CAMKMT: variants seen among roughly 807,000 people sequenced by gnomAD.
CAMKMT encodes CaM KMT.
A neutral mutation model predicts 48.0 loss-of-function variants in CAMKMT; 53 were observed. The ratio of observed to expected loss-of-function variants is 1.10; its 90% CI spans 0.89 to 1.39. The LOEUF (loss-of-function observed/expected upper bound fraction) is 1.39. Among genes scored for constraint, CAMKMT ranks in the 40% most tolerant of loss-of-function variants. The pLI, the probability that CAMKMT is intolerant of heterozygous loss-of-function variation, is 0.00. For synonymous variants in CAMKMT, 165 were observed against 152.3 expected, an observed-to-expected ratio of 1.08 and a Z score of -0.61; for missense variants, 428 against 402.7, an observed-to-expected ratio of 1.06 and a Z score of -0.54.
intron 3 of CAMKMT, among the ~76,000 whole-genome samples, chr2:44,499,224 C>T (rs1572655345): frequency 6.6e-6 from 1 of 152,144 alleles, no homozygotes. Flanking sequence ...CTAACAAGGA[C>T]TGTCTTCAGA....
At chr2:44,769,724 A>G (rs1681024241) in intron 10 of CAMKMT, among the ~76,000 whole-genome samples, 2 of 152,136 alleles carry the variant, frequency 1.3e-5, no homozygotes, top group Non-Finnish European at 2.9e-5. Context: ...AGCTCTGAAA[A>G]TAGGCTTGGG....
intron 3 of CAMKMT, among the ~76,000 whole-genome samples, chr2:44,645,978 A>C (rs1318176442): frequency 1.3e-5 from 2 of 152,226 alleles, no homozygotes; most frequent in African/African-American, 4.8e-5. Context: ...AGCATTGTAA[A>C]CATTATAGCA....
At chr2:44,567,851 C>G (rs1668699049) in intron 3 of CAMKMT, among the ~76,000 whole-genome samples, 1 of 152,178 alleles carries the variant, frequency 6.6e-6, no homozygotes, top group Non-Finnish European at 1.5e-5. Context: ...AGTAACTGCT[C>G]TCTTTGGATC....
chr2:44,363,152 C>T (rs1335501015), intron 1 of CAMKMT, among the ~76,000 whole-genome samples: 1 of 152,138 alleles, frequency 6.6e-6, no homozygotes, highest in Non-Finnish European at 1.5e-5. Flanking sequence ...AGTAGATCAT[C>T]AGAGTTAATT....
At chr2:44,447,888 T>C (rs1667089578) in intron 3 of CAMKMT, among the ~76,000 whole-genome samples, 1 of 152,250 alleles carries the variant, frequency 6.6e-6, no homozygotes, top group Non-Finnish European at 1.5e-5. Context: ...TTGGTCCCTG[T>C]CTGGCCACTT....
intron 3 of CAMKMT, among the ~76,000 whole-genome samples, chr2:44,406,297 A>G (rs1682773125): frequency 6.6e-6 from 1 of 151,578 alleles, no homozygotes; most frequent in Non-Finnish European, 1.5e-5. Flanking sequence ...TTTAATTACC[A>G]TTTTTTAAAA....
At chr2:44,383,488 T>C (rs1680468252) in intron 2 of CAMKMT, among the ~76,000 whole-genome samples, 1 of 152,044 alleles carries the variant, frequency 6.6e-6, no homozygotes, top group African/African-American at 2.4e-5. Context: ...TAATTTCAAT[T>C]TTCATTTTTT....
intron 3 of CAMKMT, 97 bp from the exon 4 acceptor site, chr2:44,704,186 G>C: frequency 1.3e-6 from 1 of 753,790 alleles, no homozygotes; most frequent in Non-Finnish European, 2.1e-6. Context: ...TTGTTTGATT[G>C]AAGTTGAAAT....
chr2:44,585,562 A>G (rs1329818646), intron 3 of CAMKMT, among the ~76,000 whole-genome samples: 1 of 152,218 alleles, frequency 6.6e-6, no homozygotes, highest in Non-Finnish European at 1.5e-5. Context: ...TTTCTGTGTC[A>G]TGCATAAATA....
intron 3 of CAMKMT, among the ~76,000 whole-genome samples, chr2:44,577,651 G>A (rs1254831562): frequency 6.9e-6 from 1 of 145,264 alleles, no homozygotes. Context: ...GACGGGGAGG[G>A]GGAGAGAGAG....
intron 3 of CAMKMT, among the ~76,000 whole-genome samples, chr2:44,690,609 T>C (rs1308887060): frequency 2.0e-5 from 3 of 152,314 alleles, no homozygotes; most frequent in South Asian, 4.1e-4. Context: ...AAGGATTAAA[T>C]GTGATCATCC....
At chr2:44,652,415 C>T (rs900775326) in intron 3 of CAMKMT, among the ~76,000 whole-genome samples, 8 of 152,158 alleles carry the variant, frequency 5.3e-5, no homozygotes, top group Non-Finnish European at 7.3e-5. Flanking sequence ...AACTGCTCAG[C>T]GTCCGCAAGG....
chr2:44,492,626 C>T (rs1669562996), intron 3 of CAMKMT, among the ~76,000 whole-genome samples: 1 of 152,122 alleles, frequency 6.6e-6, no homozygotes, highest in Non-Finnish European at 1.5e-5. Context: ...CCCAATATCA[C>T]CGATGATGTT....
Position 44,419,854 on chromosome 2 carries a change from T to C in CAMKMT, c.376+29549T>C, listed in dbSNP as rs1032591152. On this transcript the variant is annotated intron_variant, in intron 3 of 10. Transcript: ENST00000378494. Reference sequence around the variant, plus strand: ...CTGCACTCTAGCCTGGGCAATATGGTGAGACCTCCCCTCTTTAAAAAAATT... The same window carrying C: ...CTGCACTCTAGCCTGGGCAATATGGCGAGACCTCCCCTCTTTAAAAAAATT... 5.6e-4 allele frequency among the ~76,000 whole-genome samples: 86 copies of C among 152,298 alleles called. 1 individual carries two copies. The highest frequency in any genetic ancestry group is 2.0e-3 in the African/African-American group (85 of 41,570).
intron 3 of CAMKMT, among the ~76,000 whole-genome samples, chr2:44,513,643 T>C (rs1029232369): frequency 2.6e-5 from 4 of 152,296 alleles, no homozygotes; most frequent in African/African-American, 9.6e-5. Flanking sequence ...CTTCTAATCA[T>C]AGCCCACAGA....
chr2:44,627,036 A>C (rs1672520516), intron 3 of CAMKMT, among the ~76,000 whole-genome samples: 1 of 152,064 alleles, frequency 6.6e-6, no homozygotes, highest in East Asian at 1.9e-4. Context: ...TTATGAGAGA[A>C]TGTCCTTCTA....
chr2:44,661,743 C>T (rs975548478), intron 3 of CAMKMT, among the ~76,000 whole-genome samples: 2 of 152,172 alleles, frequency 1.3e-5, no homozygotes, highest in Admixed American at 1.3e-4. Context: ...ACTTGCCCAA[C>T]AGTGGCATTA....
At chr2:44,607,935 T>G (rs1015740580) in intron 3 of CAMKMT, among the ~76,000 whole-genome samples, 3 of 152,084 alleles carry the variant, frequency 2.0e-5, no homozygotes, top group African/African-American at 7.2e-5. Context: ...ATGACTGATC[T>G]TATTCCACTT....
At chr2:44,451,676 T>A (rs1309100112) in intron 3 of CAMKMT, among the ~76,000 whole-genome samples, 3 of 151,986 alleles carry the variant, frequency 2.0e-5, no homozygotes, top group Admixed American at 2.0e-4. Context: ...TCATTTATTC[T>A]TGTGAAATAT....
Sources: gnomAD v4.1 joint callset for allele counts (sites outside exome capture counted in the v4.1 genomes callset) on GRCh38, gnomAD v4.1.1 for gene constraint, MANE v1.5 for transcripts, NCBI Gene and HGNC (gene_info 2026-07-23, HGNC 2026-07-21) for gene names.